Variants in AIM2 observed in about 807,000 individuals in gnomAD.
The protein encoded by AIM2 is interferon-inducible protein AIM2.
AIM2 carries 30 observed loss-of-function variants against 27.7 expected under a neutral mutation model. That is an observed-to-expected ratio of 1.08 (90% CI 0.81 to 1.47). The LOEUF is 1.47. Ranked by LOEUF, AIM2 falls within the 40% of genes most tolerant of loss-of-function variation. The pLI, the probability that AIM2 is intolerant of heterozygous loss-of-function variation, is 0.00. For missense variants in AIM2, 358 were observed against 411.3 expected, an observed-to-expected ratio of 0.87 and a Z score of 1.12; for synonymous variants, 141 against 145.3, an observed-to-expected ratio of 0.97 and a Z score of 0.21.
At chr1:159,140,485 C>T (rs994884437) in exon 1 of AIM2, 1 of 152,362 alleles carries the variant, frequency 6.6e-6, no homozygotes, top group African/African-American at 2.4e-5. Context: ...TCCCCCACCT[C>T]AGCTTCCTTA....
chr1:159,146,032 G>A (rs906020155), intron 1 of AIM2, among the ~76,000 whole-genome samples: 39 of 151,980 alleles, frequency 2.6e-4, no homozygotes, highest in Admixed American at 2.5e-3. Flanking sequence ...CTTGAACCTG[G>A]GAAGTAGAGG....
intron 1 of AIM2, among the ~76,000 whole-genome samples, chr1:159,111,838 CT>C (rs553745833): frequency 1.3e-4 from 9 of 68,838 alleles, no homozygotes; most frequent in African/African-American, 3.0e-4. Flanking sequence ...TATCATCTAT[CT>C]ATCTATCTAT....
intron 1 of AIM2, among the ~76,000 whole-genome samples, chr1:159,129,608 GA>G (rs891102010): frequency 1.1e-4 from 16 of 152,174 alleles, no homozygotes; most frequent in African/African-American, 3.4e-4. Context: ...AAAAAAACAG[GA>G]TAACAATAAA....
At position 159,063,581 on chromosome 1, in the gene AIM2, A is replaced by G. The variant is rs986453911; in HGVS notation, c.910T>C (p.Cys304Arg). The G allele has an allele frequency of 1.9e-6, 3 of 1,613,978 alleles. No homozygotes were observed. In the African/African-American group the frequency reaches 4.0e-5, roughly 22 times the overall value. Residue 304 changes from cysteine (C) to arginine (R), a missense_variant, in exon 5 of 6, where the codon TGT (cysteine) becomes CGT (arginine). Cys to Arg is a radical substitution (Grantham distance 180, BLOSUM62 -3). Transcript: ENST00000368130. Reference sequence around the variant, plus strand: ...AGTCGAACCTTATCTCCTTCCTTACATTTCATTGTGTCCTCGTTTCTAACC... The same window carrying G: ...AGTCGAACCTTATCTCCTTCCTTACGTTTCATTGTGTCCTCGTTTCTAACC... ...LGVRNEDTMK[C>R]KEGDKVRLTF...
At chr1:159,095,633 T>C (rs1357247835) in intron 1 of AIM2, among the ~76,000 whole-genome samples, 2 of 152,198 alleles carry the variant, frequency 1.3e-5, no homozygotes, top group Non-Finnish European at 2.9e-5. Flanking sequence ...AGAAAATGTA[T>C]GTAAATTAAG....
At chr1:159,124,585 A>T (rs1647633975) in intron 1 of AIM2, among the ~76,000 whole-genome samples, 1 of 152,278 alleles carries the variant, frequency 6.6e-6, no homozygotes, top group African/African-American at 2.4e-5. Context: ...ACAGGAACTG[A>T]AACGTAAGGC....
downstream of AIM2, among the ~76,000 whole-genome samples, chr1:159,061,161 G>A (rs1655821580): frequency 6.6e-6 from 1 of 152,164 alleles, no homozygotes; most frequent in South Asian, 2.1e-4. Context: ...CCAAATCTTT[G>A]TCAGCACTTG....
chr1:159,126,129 T>G (rs1254082141), intron 1 of AIM2, among the ~76,000 whole-genome samples: 1 of 152,208 alleles, frequency 6.6e-6, no homozygotes, highest in Non-Finnish European at 1.5e-5. Context: ...CATTCTCAGC[T>G]TCTCAAAAGC....
chr1:159,127,468 A>C (rs911422194), intron 1 of AIM2, among the ~76,000 whole-genome samples: 2 of 152,216 alleles, frequency 1.3e-5, no homozygotes, highest in Non-Finnish European at 1.5e-5. Context: ...ATGTGATGGC[A>C]TGGGGCCATT....
Position 159,084,778 on chromosome 1 carries a change from T to TACACACACACACAC in AIM2, c.-15-18463_-15-18450dup, listed in dbSNP as rs113134051. On this transcript the variant is annotated intron_variant, in intron 1 of 2. Transcript: ENST00000368129. Reference sequence around the variant, plus strand: ...TGACAGAGCAAAACCCTGTCTGAAATACACACACACACACACACACACACA... The same window carrying TACACACACACACAC: ...TGACAGAGCAAAACCCTGTCTGAAATACACACACACACACACACACACACACACACACACACACA... Among the ~76,000 whole-genome samples the TACACACACACACAC allele has an allele frequency of 8.9e-3, 1,207 of 135,086 alleles. 20 individuals carry two copies. Among genetic ancestry groups the TACACACACACACAC allele is most frequent in the South Asian group, 0.013 (54 of 4,042 alleles). The allele number at this position is 135,086 out of a possible 152,430, so 88.6% of individuals were successfully genotyped here.
chr1:159,064,951 T>C (rs1157838890), intron 4 of AIM2, among the ~76,000 whole-genome samples: 4 of 152,180 alleles, frequency 2.6e-5, no homozygotes, highest in Admixed American at 2.6e-4. Context: ...ATGGACTAAA[T>C]CAGTATATAT....
chr1:159,102,152 C>T (rs1657326673), intron 1 of AIM2, among the ~76,000 whole-genome samples: 1 of 152,202 alleles, frequency 6.6e-6, no homozygotes, highest in African/African-American at 2.4e-5. Flanking sequence ...TGCTTCAGCT[C>T]CTGCTATGGC....
chr1:159,056,468 CA>C, the AIM2 span, among the ~76,000 whole-genome samples: 6 of 151,964 alleles, frequency 3.9e-5, no homozygotes, highest in Non-Finnish European at 5.9e-5. Context: ...TTCCTGCTGA[CA>C]GGGGGTGCTG....
chr1:159,120,505 C>T (rs1647508528), intron 1 of AIM2, among the ~76,000 whole-genome samples: 1 of 152,156 alleles, frequency 6.6e-6, no homozygotes, highest in African/African-American at 2.4e-5. Context: ...ACTGTCGTCT[C>T]GTGCCACAGA....
rs1420111150 is a variant in AIM2 at position 159,073,345 on chromosome 1, A to G, written c.155T>C (p.Met52Thr). 3.7e-6 allele frequency: 6 copies of G among 1,614,232 alleles called. No homozygotes were observed. The highest frequency in any genetic ancestry group is 5.1e-6 in the Non-Finnish European group (6 of 1,180,042). ...AGACACCGCCCCAGCATTTTGAATC[A>G]TCAAGGTAGCTACTTGTATTCTGTT... ...TANRIQVATL[M>T]IQNAGAVSAV... The change falls in exon 2 of 6, where the codon ATG becomes ACG. Residue 52 changes from methionine to threonine, a missense_variant. Coordinates refer to ENST00000368130, the MANE Select transcript of AIM2 (RefSeq NM_004833.3).
chr1:159,089,134 G>A (rs1204212062), intron 1 of AIM2, among the ~76,000 whole-genome samples: 1 of 152,192 alleles, frequency 6.6e-6, no homozygotes, highest in South Asian at 2.1e-4. Context: ...GATGGAAAAA[G>A]AGACCATTTC....
chr1:159,056,521 A>G, the AIM2 span, among the ~76,000 whole-genome samples: 1 of 151,858 alleles, frequency 6.6e-6, no homozygotes, highest in South Asian at 2.1e-4. Context: ...AGGCCTATTT[A>G]AGGGTTCCCA....
Position 159,120,279 on chromosome 1 carries a change from T to G in AIM2, c.-16+20152A>C, listed in dbSNP as rs1166851887. On this transcript the variant is annotated intron_variant, in intron 1 of 2. Transcript: ENST00000368129. ...AATTGTGCCACCAAAAGACGTATAG[T>G]AAAAGGTCCTGTGTGCAAAAGACAC... 2.0e-5 allele frequency among the ~76,000 whole-genome samples: 3 copies of G among 152,306 alleles called. No homozygotes were observed. In the East Asian group the frequency reaches 5.8e-4, roughly 29 times the overall value.
chr1:159,114,855 A>C (rs1196425037), intron 1 of AIM2, among the ~76,000 whole-genome samples: 1 of 152,242 alleles, frequency 6.6e-6, no homozygotes, highest in African/African-American at 2.4e-5. Context: ...GGAGAAGGAA[A>C]TAAAGGGTAT....
Sources: gnomAD v4.1 joint callset for allele counts (sites outside exome capture counted in the v4.1 genomes callset) on GRCh38, gnomAD v4.1.1 for gene constraint, MANE v1.5 for transcripts, NCBI Gene and HGNC (gene_info 2026-07-23, HGNC 2026-07-21) for gene names.